Variants in OR6N1 observed in about 807,000 individuals in gnomAD.
The protein encoded by OR6N1 is olfactory receptor 6N1.
For missense variants in OR6N1, 394 were observed against 371.7 expected (o/e 1.06, Z -0.49); for synonymous variants, 170 against 150.7 (o/e 1.13, Z -0.94).
chr1:158,828,944 G>T, the OR6N1 span, among the ~76,000 whole-genome samples: 9 of 152,144 alleles, frequency 5.9e-5, no homozygotes, highest in African/African-American at 1.7e-4. Flanking sequence ...AAGGCTTGAG[G>T]TTTGCACTCT....
chr1:158,786,572 T>C, the OR6N1 span, among the ~76,000 whole-genome samples: 1 of 152,150 alleles, frequency 6.6e-6, no homozygotes, highest in African/African-American at 2.4e-5. Context: ...GATTTGCAAT[T>C]GCAAAGATAT....
chr1:158,832,082 C>T, the OR6N1 span, among the ~76,000 whole-genome samples: 1 of 152,106 alleles, frequency 6.6e-6, no homozygotes, highest in Non-Finnish European at 1.5e-5. Flanking sequence ...TCATTTTATG[C>T]TTCATTTTAC....
chr1:158,797,860 T>C, the OR6N1 span, among the ~76,000 whole-genome samples: 2 of 152,194 alleles, frequency 1.3e-5, no homozygotes, highest in African/African-American at 4.8e-5. Flanking sequence ...ATAGGAACTA[T>C]GTTTTTCGTC....
At chr1:158,780,929 T>C in the OR6N1 span, among the ~76,000 whole-genome samples, 6 of 152,348 alleles carry the variant, frequency 3.9e-5, no homozygotes, top group South Asian at 1.2e-3. Flanking sequence ...CTCTTGGTTG[T>C]AGAATGAATT....
upstream of OR6N1, chr1:158,777,138 GA>G: frequency 6.2e-7 from 1 of 1,614,144 alleles, no homozygotes; most frequent in Non-Finnish European, 8.5e-7. Flanking sequence ...CACAAAATGG[GA>G]GCTGGGAGGC....
chr1:158,791,301 C>T, the OR6N1 span, among the ~76,000 whole-genome samples: 3 of 151,924 alleles, frequency 2.0e-5, no homozygotes, highest in African/African-American at 7.3e-5. Flanking sequence ...ACTTGTGTTG[C>T]TGTTGTCATT....
At chr1:158,770,540 T>C (rs1442271969) in intron 1 of OR6N1, among the ~76,000 whole-genome samples, 1 of 152,230 alleles carries the variant, frequency 6.6e-6, no homozygotes, top group Non-Finnish European at 1.5e-5. Flanking sequence ...TAATTTAGTG[T>C]TGAGAGAAGC....
the OR6N1 span, chr1:158,777,395 T>A: frequency 1.2e-6 from 2 of 1,614,058 alleles, no homozygotes; most frequent in Middle Eastern, 1.6e-4. Context: ...TTAGACAACA[T>A]CTTAGGGATA....
chr1:158,776,946 T>G, upstream of OR6N1: 1 of 1,614,110 alleles, frequency 6.2e-7, no homozygotes, highest in Non-Finnish European at 8.5e-7. Flanking sequence ...TTCCTGATGC[T>G]GTTTTTATCT....
At chr1:158,770,497 A>G (rs1007266509) in intron 1 of OR6N1, among the ~76,000 whole-genome samples, 59 of 152,148 alleles carry the variant, frequency 3.9e-4, no homozygotes, top group Admixed American at 7.9e-4. Context: ...ATTATTTCTA[A>G]TTATGATTGT....
rs757449996 is a variant in OR6N1, at chr1:158,766,720, G to A, written c.-18-20C>T. 6 of 1,497,110 alleles carry A rather than the reference G, an allele frequency of 4.0e-6. No homozygotes were observed. The highest frequency in any genetic ancestry group is 1.9e-5 in the Admixed American group (1 of 52,104). The allele number at this position is 1,497,110 out of a possible 1,614,324, so 92.7% of individuals were successfully genotyped here. A position where few individuals can be genotyped will look rare whatever the true frequency, so the allele number is the denominator to read the frequency against. ...ATGTCCCTAGATGTGAAGTGTGGAAGGATAGGAAAGAAAGTTGAACTATAG... is the reference window on the plus strand; with the variant it reads ...ATGTCCCTAGATGTGAAGTGTGGAAAGATAGGAAAGAAAGTTGAACTATAG... On this transcript the variant is annotated intron_variant, in intron 1 of 1. Coordinates refer to ENST00000641846, the MANE Select transcript of OR6N1 (RefSeq NM_001005185.2).
the OR6N1 span, among the ~76,000 whole-genome samples, chr1:158,791,469 A>AT: frequency 0.086 from 10,995 of 127,342 alleles, 530 homozygotes; most frequent in South Asian, 0.12. Context: ...TATGATTTTG[A>AT]TTTTTTTTTT....
chr1:158,791,493 CAG>C, the OR6N1 span, among the ~76,000 whole-genome samples: 1 of 133,240 alleles, frequency 7.5e-6, no homozygotes, highest in Admixed American at 8.0e-5. Flanking sequence ...TTTTTTGAGA[CAG>C]AGTCTCACTC....
At chr1:158,787,414 C>G in the OR6N1 span, among the ~76,000 whole-genome samples, 1 of 152,118 alleles carries the variant, frequency 6.6e-6, no homozygotes, top group African/African-American at 2.4e-5. Flanking sequence ...TACACTGTCA[C>G]AACTACTAAG....
the OR6N1 span, among the ~76,000 whole-genome samples, chr1:158,807,481 G>T: frequency 1.3e-5 from 2 of 152,190 alleles, no homozygotes; most frequent in Admixed American, 6.5e-5. Flanking sequence ...AGGAATGGGA[G>T]ATTACTCTGC....
the OR6N1 span, among the ~76,000 whole-genome samples, chr1:158,791,920 C>T: frequency 2.0e-5 from 3 of 152,176 alleles, no homozygotes; most frequent in African/African-American, 7.2e-5. Context: ...ATTTGTTCTA[C>T]AGCACAGTTT....
chr1:158,777,103 A>C (rs1468632159), upstream of OR6N1: 1 of 1,614,216 alleles, frequency 6.2e-7, no homozygotes, highest in Non-Finnish European at 8.5e-7. Flanking sequence ...AAAGTCACAG[A>C]AAATGTGTTG....
chr1:158,767,490 T>C (rs1251347133), intron 1 of OR6N1, among the ~76,000 whole-genome samples: 3 of 152,248 alleles, frequency 2.0e-5, no homozygotes, highest in Admixed American at 6.5e-5. Flanking sequence ...ATACATGCTC[T>C]ACTGTGTTGA....
chr1:158,789,800 T>C, the OR6N1 span, among the ~76,000 whole-genome samples: 1 of 152,240 alleles, frequency 6.6e-6, no homozygotes, highest in Non-Finnish European at 1.5e-5. Context: ...CTCTTCACTT[T>C]GTTGATTGTT....
Sources: gnomAD v4.1 joint callset for allele counts (sites outside exome capture counted in the v4.1 genomes callset) on GRCh38, gnomAD v4.1.1 for gene constraint, MANE v1.5 for transcripts, NCBI Gene and HGNC (gene_info 2026-07-23, HGNC 2026-07-21) for gene names.